Variants in CTNND2 observed in about 807,000 individuals in gnomAD.
The protein encoded by CTNND2 is catenin delta-2.
Under a neutral mutation model 144.4 loss-of-function variants are expected in CTNND2, and 22 were observed. The ratio of observed to expected loss-of-function variants is 0.15; its 90% CI spans 0.11 to 0.22. The LOEUF is 0.22. CTNND2 is among the 10% of genes least tolerant of loss of function. The pLI, the probability that CTNND2 is intolerant of heterozygous loss-of-function variation, is 1.00. For missense variants in CTNND2, 1,353 were observed against 1,618.8 expected, an observed-to-expected ratio of 0.84 and a Z score of 2.82; for synonymous variants, 751 against 695.6, an observed-to-expected ratio of 1.08 and a Z score of -1.25.
chr5:11,093,046 A>G (rs547543068), intron 15 of CTNND2, among the ~76,000 whole-genome samples: 4 of 152,334 alleles, frequency 2.6e-5, no homozygotes, highest in East Asian at 1.9e-4. Flanking sequence ...CACTAAGTCC[A>G]TGTTGCTATT....
intron 3 of CTNND2, among the ~76,000 whole-genome samples, chr5:11,423,701 T>A (rs1192858706): frequency 3.9e-5 from 6 of 152,204 alleles, no homozygotes; most frequent in African/African-American, 7.2e-5. Context: ...ACTGATGTGC[T>A]CATAGCTTCT....
At chr5:11,039,655 A>C (rs1448425686) in intron 16 of CTNND2, among the ~76,000 whole-genome samples, 1 of 152,250 alleles carries the variant, frequency 6.6e-6, no homozygotes, top group Non-Finnish European at 1.5e-5. Context: ...GAATATTAAG[A>C]AGAGACCAGC....
intron 3 of CTNND2, among the ~76,000 whole-genome samples, chr5:11,496,956 T>C (rs1561476926): frequency 6.6e-6 from 1 of 152,170 alleles, no homozygotes; most frequent in Non-Finnish European, 1.5e-5. Flanking sequence ...TTTGACTGCC[T>C]GATATCGGCA....
chr5:11,346,681 T>G, intron 8 of CTNND2, 54 bp from the exon 9 acceptor site: 1 of 1,414,158 alleles, frequency 7.1e-7, no homozygotes, highest in Non-Finnish European at 9.2e-7. Context: ...CTCACAGAAA[T>G]GGTTAACCAG....
At chr5:11,779,191 T>A (rs192330219) in intron 1 of CTNND2, among the ~76,000 whole-genome samples, 2 of 152,334 alleles carry the variant, frequency 1.3e-5, no homozygotes, top group Middle Eastern at 3.4e-3. Flanking sequence ...TGAAACATAC[T>A]GAGTGTAAAA....
At chr5:11,672,936 C>G (rs1335657354) in intron 2 of CTNND2, among the ~76,000 whole-genome samples, 1 of 152,272 alleles carries the variant, frequency 6.6e-6, no homozygotes, top group Non-Finnish European at 1.5e-5. Flanking sequence ...TGAGCTGCAC[C>G]CTGTCCAACC....
chr5:11,617,933 A>C (rs1780655581), intron 2 of CTNND2, among the ~76,000 whole-genome samples: 1 of 152,212 alleles, frequency 6.6e-6, no homozygotes, highest in African/African-American at 2.4e-5. Flanking sequence ...AGGGAATTCA[A>C]GTAAATATAG....
intron 1 of CTNND2, among the ~76,000 whole-genome samples, chr5:11,810,018 CT>C (rs1792234090): frequency 6.6e-6 from 1 of 152,156 alleles, no homozygotes; most frequent in South Asian, 2.1e-4. Context: ...CAATACCTTA[CT>C]TTTTAATTAT....
intron 2 of CTNND2, among the ~76,000 whole-genome samples, chr5:11,583,016 A>G (rs1778560737): frequency 6.6e-6 from 1 of 152,202 alleles, no homozygotes; most frequent in African/African-American, 2.4e-5. Flanking sequence ...AAAGACATGA[A>G]TGCTATTTTT....
chr5:11,649,758 A>G (rs1313407574), intron 2 of CTNND2, among the ~76,000 whole-genome samples: 1 of 152,176 alleles, frequency 6.6e-6, no homozygotes, highest in Non-Finnish European at 1.5e-5. Flanking sequence ...CTCTTCATTA[A>G]GGTTTTATAT....
chr5:11,728,157 G>A (rs1043607627), intron 2 of CTNND2, among the ~76,000 whole-genome samples: 1 of 152,174 alleles, frequency 6.6e-6, no homozygotes, highest in South Asian at 2.1e-4. Flanking sequence ...ACTCAGTGTC[G>A]TGGTTTGCCC....
chr5:11,857,911 C>T (rs1397079939), intron 1 of CTNND2, among the ~76,000 whole-genome samples: 1 of 152,134 alleles, frequency 6.6e-6, no homozygotes, highest in African/African-American at 2.4e-5. Flanking sequence ...TGCCCATGAT[C>T]AGGATGGCTG....
intron 2 of CTNND2, among the ~76,000 whole-genome samples, chr5:11,618,423 G>A (rs1245795287): frequency 1.3e-5 from 2 of 152,064 alleles, no homozygotes; most frequent in African/African-American, 4.8e-5. Context: ...ACCCAAAAAG[G>A]AAAAAACTTC....
intron 2 of CTNND2, among the ~76,000 whole-genome samples, chr5:11,666,483 T>C (rs191072626): frequency 6.6e-6 from 1 of 152,334 alleles, no homozygotes; most frequent in East Asian, 1.9e-4. Flanking sequence ...GTTTCAATAG[T>C]CACATTACAA....
intron 9 of CTNND2, among the ~76,000 whole-genome samples, chr5:11,239,901 C>T (rs1561073210): frequency 6.6e-6 from 1 of 152,228 alleles, no homozygotes; most frequent in African/African-American, 2.4e-5. Flanking sequence ...CTCTGGTAGG[C>T]TCTGAGGCCA....
chr5:11,206,200 A>T (rs1738026816), intron 10 of CTNND2, among the ~76,000 whole-genome samples: 1 of 152,206 alleles, frequency 6.6e-6, no homozygotes, highest in South Asian at 2.1e-4. Context: ...TGGATTTAGG[A>T]TGTACGGTAT....
At chr5:11,135,912 C>A (rs1005221197) in intron 12 of CTNND2, among the ~76,000 whole-genome samples, 20 of 152,164 alleles carry the variant, frequency 1.3e-4, no homozygotes, top group African/African-American at 4.3e-4. Flanking sequence ...GTGGAGATAT[C>A]CACTTCTAAA....
At chr5:11,564,851 A>T in intron 3 of CTNND2, 93 bp downstream of exon 3, 1 of 813,346 alleles carries the variant, frequency 1.2e-6, no homozygotes. Context: ...TGAATGTTCC[A>T]ATTCCACCAC....
chr5:11,313,073 A>C (rs1580875770), intron 9 of CTNND2, among the ~76,000 whole-genome samples: 2 of 151,114 alleles, frequency 1.3e-5, no homozygotes, highest in African/African-American at 4.9e-5. Flanking sequence ...TTCTCTCTAA[A>C]CTCCTGTTTG....
Sources: allele counts gnomAD v4.1 joint callset (sites outside exome capture counted in the v4.1 genomes callset), GRCh38; gene constraint gnomAD v4.1.1; transcripts MANE v1.5; gene names NCBI Gene and HGNC (gene_info 2026-07-23, HGNC 2026-07-21).